SCFD1: variants seen among roughly 807,000 people sequenced by gnomAD.
The protein encoded by SCFD1 is sec1 family domain-containing protein 1.
A neutral mutation model predicts 103.2 loss-of-function variants in SCFD1; 37 were observed. That is an observed-to-expected ratio of 0.36 (90% CI 0.28 to 0.47). The LOEUF (loss-of-function observed/expected upper bound fraction) is 0.47. Among genes scored for constraint, SCFD1 ranks in the 20% least tolerant of loss-of-function variants. SCFD1 has a pLI of 1.00. For synonymous variants in SCFD1, 264 were observed against 245.0 expected, an observed-to-expected ratio of 1.08 and a Z score of -0.73; for missense variants, 639 against 761.2, an observed-to-expected ratio of 0.84 and a Z score of 1.89.
intron 14 of SCFD1, chr14:30,683,201 A>G: frequency 8.9e-7 from 1 of 1,127,478 alleles, no homozygotes; most frequent in Admixed American, 1.9e-5. Flanking sequence ...TTCTGGATGG[A>G]GAGCAGAATG....
intron 23 of SCFD1, among the ~76,000 whole-genome samples, chr14:30,727,436 T>C (rs1893126976): frequency 6.6e-6 from 1 of 152,226 alleles, no homozygotes; most frequent in Non-Finnish European, 1.5e-5. Flanking sequence ...AATTATTCTG[T>C]GTTTATCCTC....
intron 23 of SCFD1, among the ~76,000 whole-genome samples, chr14:30,727,712 GT>G (rs1594773434): frequency 6.6e-6 from 1 of 151,954 alleles, no homozygotes; most frequent in East Asian, 1.9e-4. Flanking sequence ...CCTGTTGTTA[GT>G]TTTTTACCCA....
intron 23 of SCFD1, among the ~76,000 whole-genome samples, chr14:30,732,610 TG>T (rs1395566842): frequency 6.6e-6 from 1 of 152,186 alleles, no homozygotes; most frequent in African/African-American, 2.4e-5. Context: ...TAGAAACCTG[TG>T]TCAGTACAGT....
At chr14:30,722,022 G>A in intron 22 of SCFD1, 105 bp downstream of exon 22, 2 of 754,436 alleles carry the variant, frequency 2.7e-6, no homozygotes, top group Non-Finnish European at 4.4e-6. Context: ...ATTAGTGTAT[G>A]ATAATTTGGC....
intron 14 of SCFD1, chr14:30,683,139 T>C: frequency 8.7e-7 from 1 of 1,144,464 alleles, no homozygotes. Flanking sequence ...AGCATGTGTG[T>C]TCAAGGGGCT....
intron 9 of SCFD1, among the ~76,000 whole-genome samples, chr14:30,651,375 T>A (rs1886376052): frequency 6.6e-6 from 1 of 152,166 alleles, no homozygotes; most frequent in Non-Finnish European, 1.5e-5. Context: ...TCAAGTCAAT[T>A]TGGTGTCTCC....
chr14:30,638,384 G>A, intron 5 of SCFD1, 137 bp downstream of exon 5: 1 of 1,234,026 alleles, frequency 8.1e-7, no homozygotes, highest in Non-Finnish European at 1.1e-6. Flanking sequence ...CTTTTATAAA[G>A]AGTTCTGATA....
intron 12 of SCFD1, 71 bp from the exon 13 acceptor site, chr14:30,673,848 AATCTT>A (rs1177675452): frequency 1.4e-4 from 136 of 993,516 alleles, no homozygotes; most frequent in Admixed American, 5.3e-5. Flanking sequence ...TATTTGCTCC[AATCTT>A]AGGATGTGTT....
At chr14:30,703,188 C>A (rs1891195412) in intron 17 of SCFD1, among the ~76,000 whole-genome samples, 3 of 151,210 alleles carry the variant, frequency 2.0e-5, no homozygotes. Context: ...AACAAATAAG[C>A]AAATAAATGA....
chr14:30,701,533 C>T (rs1038960275), intron 16 of SCFD1, among the ~76,000 whole-genome samples: 6 of 151,632 alleles, frequency 4.0e-5, no homozygotes, highest in African/African-American at 1.5e-4. Flanking sequence ...CCAGCCTGGA[C>T]AAGAGTGGAA....
chr14:30,648,615 T>C (rs543599322), intron 7 of SCFD1, among the ~76,000 whole-genome samples: 1 of 152,312 alleles, frequency 6.6e-6, no homozygotes, highest in African/African-American at 2.4e-5. Flanking sequence ...TAAGCTTATG[T>C]ATTGAAACTG....
At chr14:30,669,846 CTGTGTAGTTATGA>C (rs1376840943) in intron 10 of SCFD1, 1 of 153,890 alleles carries the variant, frequency 6.5e-6, no homozygotes, top group Non-Finnish European at 1.4e-5. Flanking sequence ...CATTGGACTA[CTGTGTAGTTATGA>C]TAAAGATGAA....
chr14:30,702,583 C>T (rs1891155928), intron 17 of SCFD1, among the ~76,000 whole-genome samples: 1 of 152,084 alleles, frequency 6.6e-6, no homozygotes, highest in South Asian at 2.1e-4. Flanking sequence ...CCTGGGCAAG[C>T]TTTATAGTTT....
Position 30,675,023 on chromosome 14 carries a change from T to G in SCFD1, c.1200T>G (p.Asp400Glu). 1 of 1,592,054 alleles carries G rather than the reference T, an allele frequency of 6.3e-7. No homozygotes were observed. The highest frequency in any genetic ancestry group is 8.5e-7 in the Non-Finnish European group (1 of 1,171,128). ...PELLEKKRLI[D>E]LHTNVATAVL... ...TCCTTGAGAAAAAAAGACTTATTGA[T>G]CTCCATACAAATGTTGCCACTGCTG... Residue 400 changes from aspartate (D) to glutamate (E), a missense_variant, in exon 14 of 25, where the codon GAT becomes GAG. By Grantham distance (45) the Asp-to-Glu change is conservative (BLOSUM62 2). Transcript: ENST00000458591.
intron 24 of SCFD1, 66 bp from the exon 25 acceptor site, chr14:30,735,520 A>ATGTT: frequency 9.1e-7 from 1 of 1,098,680 alleles, no homozygotes; most frequent in Non-Finnish European, 1.4e-6. Context: ...GTTTACAAAT[A>ATGTT]TGTTTGAATG....
At chr14:30,731,611 G>A (rs1236983809) in intron 23 of SCFD1, among the ~76,000 whole-genome samples, 2 of 152,148 alleles carry the variant, frequency 1.3e-5, no homozygotes, top group Non-Finnish European at 2.9e-5. Context: ...TCTCTTTGAA[G>A]CAATTGTGAA....
chr14:30,724,134 G>A (rs865887662), intron 23 of SCFD1, among the ~76,000 whole-genome samples: 5 of 143,870 alleles, frequency 3.5e-5, no homozygotes, highest in Non-Finnish European at 6.0e-5. Context: ...TTGTGGTTTC[G>A]ATTTGCATTT....
At chr14:30,673,397 T>A (rs1357753635) in intron 12 of SCFD1, 50 bp downstream of exon 12, 5 of 990,390 alleles carry the variant, frequency 5.0e-6, no homozygotes, top group Non-Finnish European at 6.0e-6. Context: ...GAGGATTATC[T>A]GTTAGATAAA....
At chr14:30,629,668 C>T (rs945924834) in intron 2 of SCFD1, among the ~76,000 whole-genome samples, 4 of 151,262 alleles carry the variant, frequency 2.6e-5, no homozygotes, top group Non-Finnish European at 4.4e-5. Context: ...GCCTCCGCCT[C>T]CCAAGTTCAA....
Sources: allele counts gnomAD v4.1 joint callset (sites outside exome capture counted in the v4.1 genomes callset), GRCh38; gene constraint gnomAD v4.1.1; transcripts MANE v1.5; gene names NCBI Gene and HGNC (gene_info 2026-07-23, HGNC 2026-07-21).